The following FBN3 variants were observed in gnomAD, a reference collection of about 807,000 sequenced individuals.
FBN3 encodes the protein fibrillin-3.
In FBN3, 234 loss-of-function variants were observed where a neutral mutation model predicts 330.1. The observed-to-expected ratio is 0.71, with a 90% CI of 0.64 to 0.79. The LOEUF is 0.79. FBN3 is among the 30% of genes least tolerant of loss of function. The pLI is 0.00. For synonymous variants in FBN3, 1,458 were observed against 1,517.3 expected (o/e 0.96, Z 0.91); for missense variants, 3,606 against 3,886.9 (o/e 0.93, Z 1.92).
At chr19:8,087,053 C>T (rs2081978981) in intron 54 of FBN3, 24 bp downstream of exon 54, 2 of 1,599,306 alleles carry the variant, frequency 1.3e-6, no homozygotes, top group Non-Finnish European at 1.7e-6. Context: ...TTTCCTGCAC[C>T]CATGAAGCTC....
chr19:8,111,473 A>G (rs978714642), intron 32 of FBN3, among the ~76,000 whole-genome samples, 175 bp downstream of exon 32: 39 of 152,098 alleles, frequency 2.6e-4, no homozygotes, highest in African/African-American at 9.4e-4. Context: ...TGTTCAAGGG[A>G]GCCGTGGGCA....
In FBN3 at chr19:8,091,481, A is replaced by G. The variant is rs768171168; in HGVS notation, c.6015T>C (p.Asn2005=). Residue 2005 remains asparagine (N), a synonymous_variant, in exon 48 of 64, where the codon AAT becomes AAC. Coordinates refer to ENST00000600128, the MANE Select transcript of FBN3 (RefSeq NM_032447.5). ...LCPPGFVLSD[N]GHRCFDTRQS... ...TGGACTTACCAAAGCAACGGTGCCCATTGTCAGAGAGGACAAAGCCAGGTG... is the reference window on the plus strand; with the variant it reads ...TGGACTTACCAAAGCAACGGTGCCCGTTGTCAGAGAGGACAAAGCCAGGTG... The G allele has an allele frequency of 6.2e-7, 1 of 1,613,778 alleles. No individual in the cohort carries two copies. Among genetic ancestry groups the G allele is most frequent in the African/African-American group, 1.3e-5 (1 of 74,982 alleles).
rs56794787 is a variant in FBN3, at chr19:8,086,120, AACAGGCAGTGGGGGGGG to A, written c.6880+63_6880+79del. On this transcript the variant is annotated intron_variant, in intron 55 of 63. Transcript: ENST00000600128. ...AGTGAAGGGGGCAGGCAGTGGGGGGAACAGGCAGTGGGGGGGGACAGGCAGTGGGTGCCACATGGTAG... is the reference window on the plus strand; with the variant it reads ...AGTGAAGGGGGCAGGCAGTGGGGGGAACAGGCAGTGGGTGCCACATGGTAG... 240 of 782,678 alleles carry A rather than the reference AACAGGCAGTGGGGGGGG, an allele frequency of 3.1e-4. 2 individuals are homozygous for A. The highest frequency in any genetic ancestry group is 1.8e-3 in the African/African-American group (41 of 22,594). 48.5% of individuals were successfully genotyped at this position (782,678 alleles called of 1,614,324 possible).
intron 1 of FBN3, chr19:8,147,877 A>G: frequency 6.2e-6 from 1 of 162,122 alleles, no homozygotes; most frequent in Non-Finnish European, 1.3e-5. Context: ...TTTGAGTGGG[A>G]GGAGCAAGGT....
intron 10 of FBN3, 76 bp from the exon 11 acceptor site, chr19:8,136,607 T>C: frequency 6.4e-7 from 1 of 1,573,756 alleles, no homozygotes; most frequent in Non-Finnish European, 8.7e-7. Flanking sequence ...TTCACCTCTC[T>C]AGGCCCAGAT....
At chr19:8,080,130 A>G (rs1372555926) in intron 59 of FBN3, among the ~76,000 whole-genome samples, 1 of 152,176 alleles carries the variant, frequency 6.6e-6, no homozygotes, top group African/African-American at 2.4e-5. Context: ...CTGTGTGTCA[A>G]TCAAACTTTA....
chr19:8,143,819 C>CTTTCT (rs1555757013), intron 6 of FBN3, among the ~76,000 whole-genome samples: 1 of 117,632 alleles, frequency 8.5e-6, no homozygotes, highest in East Asian at 2.4e-4. Flanking sequence ...TTCTTTCTTT[C>CTTTCT]TTTTTTTTTT....
rs2081848905 is a variant in FBN3, at chr19:8,083,254, G to A, written c.7206C>T (p.Thr2402=). The change falls in exon 57 of 64, where the codon ACC becomes ACT. Residue 2402 remains threonine, a synonymous_variant. Transcript: ENST00000600128. ...GCAGAGGGCTGGGCTCACCCAGGCA[G>A]GTAGTAGCAGTAGCATCCGGTGTGT... ...AGYTPDATAT[T]CLDMDECSQV... is the part of the protein sequence containing the mutation. 1.2e-6 allele frequency: 2 copies of A among 1,614,120 alleles called. No individual in the cohort carries two copies. Among genetic ancestry groups the A allele is most frequent in the South Asian group, 1.1e-5 (1 of 91,088 alleles).
Position 8,096,527 on chromosome 19 carries a change from C to A in FBN3, c.5456G>T (p.Gly1819Val). Reference protein sequence around the residue: ...CREIPNVCSHGDCMDTEGSYM... With the variant: ...CREIPNVCSHVDCMDTEGSYM... ...GCTGCCTTCTGTGTCCATGCAGTCA[C>A]CATGGCTACAGACATTCGGGATCTC... Residue 1819 changes from glycine to valine, a missense_variant, in exon 44 of 64, where the codon GGT (glycine) becomes GTT (valine). Gly to Val is a moderately radical substitution (Grantham distance 109). Coordinates refer to ENST00000600128, the MANE Select transcript of FBN3 (RefSeq NM_032447.5). This position sits in a 1 kb window ranked among gnomAD's most constrained non-coding sequence, Gnocchi z 4.6. 6.2e-7 allele frequency: 1 copy of A among 1,613,840 alleles called. No individual in the cohort carries two copies. The highest frequency in any genetic ancestry group is 8.5e-7 in the Non-Finnish European group (1 of 1,179,908).
At chr19:8,120,609 C>T (rs964667907) in intron 25 of FBN3, among the ~76,000 whole-genome samples, 1 of 152,044 alleles carries the variant, frequency 6.6e-6, no homozygotes, top group East Asian at 1.9e-4. Context: ...CCTCCTCAGC[C>T]TCCCGAGTAG....
intron 24 of FBN3, 95 bp downstream of exon 24, chr19:8,123,369 G>T: frequency 1.2e-5 from 15 of 1,259,626 alleles, no homozygotes; most frequent in African/African-American, 3.1e-5. Context: ...AAAAAAAGAA[G>T]AAGAAAAAGA....
At chr19:8,075,555 T>C in intron 59 of FBN3, 144 bp from the exon 60 acceptor site, 1 of 770,284 alleles carries the variant, frequency 1.3e-6, no homozygotes, top group South Asian at 1.9e-5. Flanking sequence ...AAATGAGATC[T>C]GTAACAGTTC....
Position 8,096,753 on chromosome 19 carries a change from C to A in FBN3, c.5413+128G>T. On this transcript the variant is annotated intron_variant, in intron 43 of 63. Transcript: ENST00000600128. The surrounding 1 kb of genome is among the most constrained non-coding windows in gnomAD (Gnocchi z 4.6). Reference sequence around the variant, plus strand: ...CTATCACATCCTATTAACAGACACTCTCAATACATCCCCCACCCCCCTAAT... The same window carrying A: ...CTATCACATCCTATTAACAGACACTATCAATACATCCCCCACCCCCCTAAT... 7.6e-7 allele frequency: 1 copy of A among 1,307,728 alleles called. No homozygotes were observed. Among genetic ancestry groups the A allele is most frequent in the East Asian group, 2.3e-5 (1 of 43,152 alleles). 81.0% of individuals were successfully genotyped at this position (1,307,728 alleles called of 1,614,324 possible).
chr19:8,117,078 C>T, intron 28 of FBN3, 91 bp downstream of exon 28: 1 of 1,546,526 alleles, frequency 6.5e-7, no homozygotes, highest in Non-Finnish European at 8.8e-7. Flanking sequence ...CTTCACTATG[C>T]TGTGCTGGGC....
rs2083282431 is a variant in FBN3, at chr19:8,136,391, T to C, written c.1342A>G (p.Ile448Val). ...GYTQDVRGEC[I>V]DVDECTSSPC... ...CTTCCACCTGGCCGCGGCTCACCAA[T>C]GCACTCGCCGCGCACGTCCTGGGTG... Residue 448 changes from isoleucine to valine, a missense_variant, in exon 11 of 64, where the codon ATT (isoleucine) becomes GTT (valine). By Grantham distance (29) the Ile-to-Val change is conservative. Coordinates refer to ENST00000600128, the MANE Select transcript of FBN3 (RefSeq NM_032447.5). 2.5e-6 allele frequency: 4 copies of C among 1,613,710 alleles called. No homozygotes were observed. Among genetic ancestry groups the C allele is most frequent in the East Asian group, 2.2e-5 (1 of 44,866 alleles).
intron 41 of FBN3, among the ~76,000 whole-genome samples, chr19:8,099,470 C>T (rs996271467): frequency 8.6e-5 from 13 of 150,592 alleles, no homozygotes; most frequent in African/African-American, 1.5e-4. Flanking sequence ...TTAGTAGAGA[C>T]GGGGTTTCAC....
At chr19:8,148,107 G>A (rs1349328369) in intron 1 of FBN3, among the ~76,000 whole-genome samples, 2 of 152,040 alleles carry the variant, frequency 1.3e-5, no homozygotes. Context: ...AGTCGTGGAA[G>A]GCAACAACCC....
rs201958664 is a variant in FBN3 at position 8,094,567 on chromosome 19, T to C, written c.5786-2A>G. On this transcript the variant is annotated splice_acceptor_variant, in intron 46 of 63. Transcript: ENST00000600128. LOFTEE classifies it high-confidence loss of function. ...CAAGGCTGAGGCACTCATTGGTGTC[T>C]GTGAAAAGGAGGAAGAAAGGTCCTT... is the stretch of plus-strand genomic sequence containing the variant. The C allele has an allele frequency of 6.2e-7, 1 of 1,612,420 alleles. No individual in the cohort carries two copies. Among genetic ancestry groups the C allele is most frequent in the African/African-American group, 1.3e-5 (1 of 75,026 alleles).
At chr19:8,124,704 T>C (rs1427531089) in intron 22 of FBN3, among the ~76,000 whole-genome samples, 1 of 152,058 alleles carries the variant, frequency 6.6e-6, no homozygotes, top group Non-Finnish European at 1.5e-5. Flanking sequence ...GCTCACCTAA[T>C]TTTTGTATTT....
Sources: gnomAD v4.1 joint callset for allele counts (sites outside exome capture counted in the v4.1 genomes callset) on GRCh38, gnomAD v4.1.1 for gene constraint, Gnocchi (gnomAD v3.1) non-coding constraint, MANE v1.5 for transcripts, NCBI Gene and HGNC (gene_info 2026-07-23, HGNC 2026-07-21) for gene names.